The following GZMH variants were observed in gnomAD, a reference collection of about 807,000 sequenced individuals.
GZMH encodes the protein granzyme H, also known as cathepsin G-like 2, protein h-CCPX.
A neutral mutation model predicts 20.7 loss-of-function variants in GZMH; 24 were observed. The ratio of observed to expected loss-of-function variants is 1.16; its 90% CI spans 0.84 to 1.63. GZMH has a LOEUF of 1.63. Among genes scored for constraint, GZMH ranks in the 40% most tolerant of loss-of-function variants. The pLI is 0.00. For synonymous variants in GZMH, 119 were observed against 116.1 expected, an observed-to-expected ratio of 1.02 and a Z score of -0.16; for missense variants, 344 against 302.7, an observed-to-expected ratio of 1.14 and a Z score of -1.01.
chr14:24,607,700 C>T lies in GZMH; in HGVS notation c.251G>A (p.Arg84Gln), dbSNP rs20545. Residue 84 changes from arginine (R) to glutamine (Q), a missense_variant, in exon 3 of 5, where the codon CGG (arginine) becomes CAG (glutamine). Physicochemically the swap from Arg to Gln is conservative, Grantham distance 43. Transcript: ENST00000216338. ...TTTCACAGGGATAAACTGCTGGGTC[C>T]GCTCCTGTTCCTTGATATTGTGGGC... ...LGAHNIKEQE[R>Q]TQQFIPVKRP... 0.081 allele frequency: 124,883 copies of T among 1,543,448 alleles called. 2,043 individuals carry two copies. Among genetic ancestry groups the T allele is most frequent in the Non-Finnish European group, 0.087 (98,132 of 1,130,898 alleles).
intron 1 of GZMH, 138 bp from the exon 2 acceptor site, chr14:24,608,550 C>A: frequency 1.2e-6 from 1 of 858,376 alleles, no homozygotes; most frequent in Non-Finnish European, 1.8e-6. Flanking sequence ...GCTCTGCAGG[C>A]AGTACTCCTT....
intron 1 of GZMH, 108 bp from the exon 2 acceptor site, chr14:24,608,520 T>A: frequency 8.0e-7 from 1 of 1,243,554 alleles, no homozygotes; most frequent in Non-Finnish European, 1.2e-6. Flanking sequence ...CTGCAGACAG[T>A]GAGGGAGGGG....
chr14:24,608,433 A>G (rs149287325), intron 1 of GZMH, 21 bp from the exon 2 acceptor site: 2 of 1,613,622 alleles, frequency 1.2e-6, no homozygotes, highest in Non-Finnish European at 1.7e-6. Context: ...AGACTGGAAG[A>G]TAAAGTAGCT....
chr14:24,608,459 C>T, intron 1 of GZMH, 47 bp from the exon 2 acceptor site: 1 of 1,608,578 alleles, frequency 6.2e-7, no homozygotes, highest in Non-Finnish European at 8.5e-7. Flanking sequence ...TGGCTGCAGT[C>T]AGGAGAGAAG....
chr14:24,609,414 G>C (rs2066895529), intron 1 of GZMH, 145 bp downstream of exon 1: 2 of 548,504 alleles, frequency 3.6e-6, no homozygotes, highest in South Asian at 3.3e-5. Flanking sequence ...GATCTTTGCT[G>C]AGTGTCTATC....
chr14:24,609,362 C>G (rs1014502304), intron 1 of GZMH, among the ~76,000 whole-genome samples, 197 bp downstream of exon 1: 1 of 152,206 alleles, frequency 6.6e-6, no homozygotes, highest in Non-Finnish European at 1.5e-5. Flanking sequence ...TAGGGAGAGG[C>G]TAACACCCAT....
intron 1 of GZMH, among the ~76,000 whole-genome samples, chr14:24,608,722 A>G (rs868366948): frequency 3.3e-5 from 5 of 152,356 alleles, no homozygotes; most frequent in Middle Eastern, 6.8e-3. Flanking sequence ...AGGACTTCCC[A>G]GGCTCCTCCT....
intron 1 of GZMH, among the ~76,000 whole-genome samples, 191 bp downstream of exon 1, chr14:24,609,368 C>T (rs897122146): frequency 6.6e-6 from 1 of 152,214 alleles, no homozygotes; most frequent in Admixed American, 6.5e-5. Context: ...GAGGCTAACA[C>T]CCATTAAACC....
In GZMH at chr14:24,607,728, C is replaced by G. The variant is rs1260267845; in HGVS notation, c.223G>C (p.Gly75Arg). The change falls in exon 3 of 5, where the codon GGG (glycine) becomes CGG (arginine). Residue 75 changes from glycine to arginine, a missense_variant. Transcript: ENST00000216338. ...CQGSSINVTL[G>R]AHNIKEQERT... ...TCCTGTTCCTTGATATTGTGGGCCCCCAAGGTGACATTTATGGAGCTGCAC... is the reference window on the plus strand; with the variant it reads ...TCCTGTTCCTTGATATTGTGGGCCCGCAAGGTGACATTTATGGAGCTGCAC... 1 of 1,613,854 alleles carries G rather than the reference C, an allele frequency of 6.2e-7. No individual in the cohort carries two copies.
Position 24,607,165 on chromosome 14 carries a change from G to C in GZMH, c.581C>G (p.Thr194Arg). The change falls in exon 4 of 5, where the codon ACA becomes AGA. Residue 194 changes from threonine to arginine, a missense_variant. By Grantham distance (71) the Thr-to-Arg change is moderately conservative (BLOSUM62 -1). Transcript: ENST00000216338. The part of the protein sequence containing the change: ...TEICVGDPKK[T>R]QTGFKGDSGG... Reference sequence around the variant, plus strand: ...AAACCCAACCTTGAAACCGGTCTGTGTCTTCTTTGGATCCCCCACACAAAT... The same window carrying C: ...AAACCCAACCTTGAAACCGGTCTGTCTCTTCTTTGGATCCCCCACACAAAT... 1 of 1,613,410 alleles carries C rather than the reference G, an allele frequency of 6.2e-7. No individual in the cohort carries two copies. The highest frequency in any genetic ancestry group is 1.1e-5 in the South Asian group (1 of 90,966).
Position 24,606,778 on chromosome 14 carries a change from T to C in GZMH, c.598-32A>G, listed in dbSNP as rs371277557. On this transcript the variant is annotated intron_variant, in intron 4 of 4. Coordinates refer to ENST00000216338, the MANE Select transcript of GZMH (RefSeq NM_033423.5). ...ACAGAGAGAGGAAAGACTGAGCTAGTGTTCCCTGGGATGGGTGGTCTCTGT... is the reference window on the plus strand; with the variant it reads ...ACAGAGAGAGGAAAGACTGAGCTAGCGTTCCCTGGGATGGGTGGTCTCTGT... 10 of 1,604,302 alleles carry C rather than the reference T, an allele frequency of 6.2e-6. No homozygotes were observed. In the African/African-American group the frequency reaches 1.2e-4, roughly 19 times the overall value.
Position 24,608,403 on chromosome 14 carries a change from A to C in GZMH, c.65T>G (p.Ile22Ser), listed in dbSNP as rs529164462. ...GTGGGGCTTGGCCTCATGGCCCCCGATGATCTCCTCTGAAAGGAAAGACTG... is the reference window on the plus strand; with the variant it reads ...GTGGGGCTTGGCCTCATGGCCCCCGCTGATCTCCTCTGAAAGGAAAGACTG... ...LTPGAGTEEI[I>S]GGHEAKPHSR... The change falls in exon 2 of 5, where the codon ATC becomes AGC. Residue 22 changes from isoleucine (I) to serine (S), a missense_variant. Ile to Ser is a moderately radical substitution (Grantham distance 142). Coordinates refer to ENST00000216338, the MANE Select transcript of GZMH (RefSeq NM_033423.5). The C allele has an allele frequency of 3.1e-6, 5 of 1,614,002 alleles. No individual in the cohort carries two copies. The highest frequency in any genetic ancestry group is 4.2e-6 in the Non-Finnish European group (5 of 1,179,926).
chr14:24,609,493 G>T, intron 1 of GZMH, 66 bp downstream of exon 1: 1 of 1,059,500 alleles, frequency 9.4e-7, no homozygotes, highest in Non-Finnish European at 1.4e-6. Flanking sequence ...TTCCTGACCA[G>T]TGCTCATGGG....
In GZMH at chr14:24,606,535, C is replaced by G; in HGVS notation, c.*68G>C. On this transcript the variant is annotated 3_prime_UTR_variant, in exon 5 of 5. Transcript: ENST00000216338. ...AGTCCTGCAACCCCGACTGCCCACC[C>G]CTTGGGGATTCTTGCCTCTGTCCCA... is the stretch of plus-strand genomic sequence containing the variant. 1 of 1,477,094 alleles carries G rather than the reference C, an allele frequency of 6.8e-7. No individual in the cohort carries two copies. 91.5% of individuals were successfully genotyped at this position (1,477,094 alleles called of 1,614,324 possible). A position where few individuals can be genotyped will look rare whatever the true frequency, so the allele number is the denominator to read the frequency against.
At chr14:24,608,674 C>A (rs1337999840) in intron 1 of GZMH, among the ~76,000 whole-genome samples, 1 of 152,216 alleles carries the variant, frequency 6.6e-6, no homozygotes, top group Non-Finnish European at 1.5e-5. Context: ...GAAGAAAGAT[C>A]TATTTTCACA....
chr14:24,608,816 T>C (rs1161681281), intron 1 of GZMH, among the ~76,000 whole-genome samples: 1 of 152,252 alleles, frequency 6.6e-6, no homozygotes, highest in East Asian at 1.9e-4. Context: ...CATGAGCTTC[T>C]GGAGTTGGAT....
Position 24,607,687 on chromosome 14 carries a change from A to G in GZMH, c.264T>C (p.Phe88=), listed in dbSNP as rs1348086522. ...NIKEQERTQQ[F]IPVKRPIPHP... is the part of the protein sequence containing the mutation. Reference sequence around the variant, plus strand: ...GGGGGATGGGTCTTTTCACAGGGATAAACTGCTGGGTCCGCTCCTGTTCCT... The same window carrying G: ...GGGGGATGGGTCTTTTCACAGGGATGAACTGCTGGGTCCGCTCCTGTTCCT... Residue 88 remains phenylalanine (F), a synonymous_variant, in exon 3 of 5, where the codon TTT becomes TTC. Coordinates refer to ENST00000216338, the MANE Select transcript of GZMH (RefSeq NM_033423.5). 6.2e-7 allele frequency: 1 copy of G among 1,613,754 alleles called. No homozygotes were observed. The highest frequency in any genetic ancestry group is 8.5e-7 in the Non-Finnish European group (1 of 1,179,896).
chr14:24,608,514 A>G (rs1020960492), intron 1 of GZMH, 102 bp from the exon 2 acceptor site: 3 of 1,318,692 alleles, frequency 2.3e-6, no homozygotes, highest in Non-Finnish European at 3.2e-6. Flanking sequence ...TGTGTGCTGC[A>G]GACAGTGAGG....
intron 1 of GZMH, among the ~76,000 whole-genome samples, chr14:24,609,111 C>T (rs1317413295): frequency 1.3e-5 from 2 of 152,170 alleles, no homozygotes; most frequent in Non-Finnish European, 2.9e-5. Flanking sequence ...GTCATCTTGC[C>T]ATCTCTGAGA....
Sources: allele counts gnomAD v4.1 joint callset (sites outside exome capture counted in the v4.1 genomes callset), GRCh38; gene constraint gnomAD v4.1.1; transcripts MANE v1.5; gene names NCBI Gene and HGNC (gene_info 2026-07-23, HGNC 2026-07-21).